The following CLN6 variants were observed in gnomAD, a reference collection of about 807,000 sequenced individuals.
CLN6 encodes the protein ceroid-lipofuscinosis neuronal protein 6.
Under a neutral mutation model 33.3 loss-of-function variants are expected in CLN6, and 22 were observed. The observed-to-expected ratio is 0.66, with a 90% CI of 0.47 to 0.94. The LOEUF is 0.94. Among genes scored for constraint, CLN6 ranks in the 40% least tolerant of loss-of-function variants. The probability of loss-of-function intolerance (pLI) is 0.00; values close to 1 mark genes in which losing one functional copy is unlikely to be tolerated. For synonymous variants in CLN6, 201 were observed against 174.6 expected (o/e 1.15, Z -1.19); for missense variants, 387 against 417.1 (o/e 0.93, Z 0.63).
upstream of CLN6, among the ~76,000 whole-genome samples, chr15:68,234,705 T>C (rs1297433333): frequency 1.3e-5 from 2 of 152,202 alleles, no homozygotes; most frequent in Non-Finnish European, 2.9e-5. This position sits in a 1 kb window ranked among gnomAD's most constrained non-coding sequence, Gnocchi z 4.1. Context: ...TTTTTCCTTA[T>C]AATTTCTTTC....
chr15:68,235,030 A>G (rs1892205471), intron 1 of CLN6, among the ~76,000 whole-genome samples: 1 of 152,128 alleles, frequency 6.6e-6, no homozygotes, highest in South Asian at 2.1e-4. Context: ...CAAAACAAAA[A>G]AAGAATAAAA....
chr15:68,218,496 T>A (rs1425187277), intron 2 of CLN6, 40 bp downstream of exon 2: 1 of 1,424,240 alleles, frequency 7.0e-7, no homozygotes, highest in Non-Finnish European at 9.9e-7. Flanking sequence ...CTAAGTGTCC[T>A]CAGTGCTGGT....
intron 2 of CLN6, 187 bp from the exon 3 acceptor site, chr15:68,214,575 A>C: frequency 1.7e-6 from 1 of 585,818 alleles, no homozygotes; most frequent in Non-Finnish European, 3.2e-6. Flanking sequence ...TTATCCAGAC[A>C]GGAAAGCTGA....
chr15:68,232,305 G>A (rs2093269581), upstream of CLN6, among the ~76,000 whole-genome samples: 1 of 151,914 alleles, frequency 6.6e-6, no homozygotes, highest in Non-Finnish European at 1.5e-5. The surrounding 1 kb of genome is among the most constrained non-coding windows in gnomAD (Gnocchi z 4.7). Flanking sequence ...CTACAGGCAT[G>A]CACCACCACG....
chr15:68,257,134 C>T, upstream of CLN6: 1 of 343,898 alleles, frequency 2.9e-6, no homozygotes, highest in Non-Finnish European at 5.2e-6. Flanking sequence ...AGCGAGCGCA[C>T]GGCAGCGGTG....
chr15:68,225,125 C>A (rs1328304858), intron 1 of CLN6, among the ~76,000 whole-genome samples: 2 of 150,190 alleles, frequency 1.3e-5, no homozygotes, highest in Non-Finnish European at 3.0e-5. Context: ...ACATACAAGA[C>A]AATGAAAAGC....
chr15:68,211,806 T>G lies in CLN6; in HGVS notation c.355A>C (p.Ile119Leu), dbSNP rs759241838. The G allele has an allele frequency of 1.2e-6, 2 of 1,613,716 alleles. No individual in the cohort carries two copies. The highest frequency in any genetic ancestry group is 1.3e-5 in the African/African-American group (1 of 74,932). ...TGGATGCTGGCACCCATGATGAAGA[T>G]GATGATGCTCACGTACGTGATGGAG... ...PRSITYVSII[I>L]FIMGASIHLV... The change falls in exon 4 of 7, where the codon ATC becomes CTC. Residue 119 changes from isoleucine to leucine, a missense_variant. Physicochemically the swap from Ile to Leu is conservative, Grantham distance 5. Coordinates refer to ENST00000249806, the MANE Select transcript of CLN6 (RefSeq NM_017882.3). This position sits in a 1 kb window ranked among gnomAD's most constrained non-coding sequence, Gnocchi z 5.9.
In CLN6 at chr15:68,248,989, A is replaced by C. The variant is rs117689047; in HGVS notation, c.179+7701T>G. ...CAACAACAAAAAACAACAACAACAAAAAAATTCAATTAAAAAATGGGCAAA... is the reference window on the plus strand; with the variant it reads ...CAACAACAAAAAACAACAACAACAACAAAATTCAATTAAAAAATGGGCAAA... On this transcript the variant is annotated intron_variant, in intron 1 of 6. Transcript: ENST00000538696. 9.8e-4 allele frequency among the ~76,000 whole-genome samples: 149 copies of C among 152,314 alleles called. 2 individuals carry two copies. The East Asian group carries it at 0.013, about 13-fold the overall frequency.
chr15:68,208,094 G>GGGGCCCCCCCCCCCCC lies in CLN6; in HGVS notation c.*45_*46insGGGGGGGGGGGGGCCC. ...CTCCTGTATTCAGATGCCCTCCATG[G>GGGGCCCCCCCCCCCCC]CCCACCCTCCCACCCAGCAGAGCGC... On this transcript the variant is annotated 3_prime_UTR_variant, in exon 7 of 7. Coordinates refer to ENST00000249806, the MANE Select transcript of CLN6 (RefSeq NM_017882.3). The surrounding 1 kb of genome is among the most constrained non-coding windows in gnomAD (Gnocchi z 5.8). 1 of 1,375,274 alleles carries GGGGCCCCCCCCCCCCC rather than the reference G, an allele frequency of 7.3e-7. No individual in the cohort carries two copies. Among genetic ancestry groups the GGGGCCCCCCCCCCCCC allele is most frequent in the Non-Finnish European group, 1.0e-6 (1 of 992,020 alleles). 85.2% of individuals were successfully genotyped at this position (1,375,274 alleles called of 1,614,324 possible).
intron 1 of CLN6, among the ~76,000 whole-genome samples, chr15:68,245,763 T>C (rs1892324220): frequency 6.6e-6 from 1 of 152,092 alleles, no homozygotes; most frequent in African/African-American, 2.4e-5. Context: ...CCCAACTATA[T>C]GCTGGGTGAT....
intron 1 of CLN6, among the ~76,000 whole-genome samples, chr15:68,244,218 C>T (rs1356028021): frequency 1.3e-5 from 2 of 151,784 alleles, no homozygotes; most frequent in African/African-American, 2.4e-5. Flanking sequence ...CAGAGAACAC[C>T]AAGCAGTTTT....
At chr15:68,257,053 C>T (rs1309061686) in exon 1 of CLN6, 4 of 488,982 alleles carry the variant, frequency 8.2e-6, no homozygotes, top group Non-Finnish European at 1.5e-5. Context: ...CTGCCTGGTG[C>T]CATGCGGTTG....
At chr15:68,229,752 G>GGCGGA (rs55672378), upstream of CLN6, 7 of 328,032 alleles carry the variant, frequency 2.1e-5, no homozygotes, top group African/African-American at 8.9e-5. Context: ...CCCGGGGCGG[G>GGCGGA]GCGGAGCGGA....
At chr15:68,232,512 C>G (rs1345308803), upstream of CLN6, among the ~76,000 whole-genome samples, 1 of 152,128 alleles carries the variant, frequency 6.6e-6, no homozygotes, top group Admixed American at 6.5e-5. This position sits in a 1 kb window ranked among gnomAD's most constrained non-coding sequence, Gnocchi z 4.7. Flanking sequence ...ACCAGTCTTC[C>G]AGCTCCTTGC....
Position 68,207,352 on chromosome 15 carries a change from AG to A in CLN6, c.*787del. The stretch of plus-strand genomic sequence containing the variant: ...GCCGCAGTTCTTCTGGAGTGGGAGC[AG>A]GGGGACAGAGCTTTGGGTAGAGGAG... On this transcript the variant is annotated 3_prime_UTR_variant, in exon 7 of 7. Coordinates refer to ENST00000249806, the MANE Select transcript of CLN6 (RefSeq NM_017882.3). 6.5e-6 allele frequency: 1 copy of A among 152,990 alleles called. No homozygotes were observed. The highest frequency in any genetic ancestry group is 1.5e-5 in the Non-Finnish European group (1 of 68,446). The allele number at this position is 152,990 out of a possible 1,614,324, so 9.5% of individuals were successfully genotyped here.
At chr15:68,229,781 A>AGGCGG (rs1358831158), upstream of CLN6, 1 of 326,792 alleles carries the variant, frequency 3.1e-6, no homozygotes, top group Admixed American at 6.7e-5. Context: ...GAGCGGAGGG[A>AGGCGG]GGCGGGGCGG....
intron 1 of CLN6, among the ~76,000 whole-genome samples, chr15:68,253,322 T>C (rs1443460947): frequency 2.6e-5 from 4 of 152,266 alleles, no homozygotes; most frequent in Non-Finnish European, 4.4e-5. Context: ...CCGGGTTTTT[T>C]GTTTTTATTT....
Position 68,241,691 on chromosome 15 carries a change from G to A in CLN6, c.179+14999C>T, listed in dbSNP as rs967109420. 2.6e-5 allele frequency among the ~76,000 whole-genome samples: 4 copies of A among 152,164 alleles called. No individual in the cohort carries two copies. The highest frequency in any genetic ancestry group is 9.6e-5 in the African/African-American group (4 of 41,462). The stretch of plus-strand genomic sequence containing the variant: ...CGGCCAAAGAAGACACCAAATCAGA[G>A]TGGCTGTTAGCAGCACCACACTGTA... On this transcript the variant is annotated intron_variant, in intron 1 of 6. Coordinates refer to the CLN6 transcript ENST00000538696. The surrounding 1 kb of genome is among the most constrained non-coding windows in gnomAD (Gnocchi z 4.2).
chr15:68,214,527 T>G (rs368158830), intron 2 of CLN6, 139 bp from the exon 3 acceptor site: 1 of 681,540 alleles, frequency 1.5e-6, no homozygotes, highest in South Asian at 1.5e-5. Flanking sequence ...ATTCTTCCTG[T>G]GATCGCTGGA....
Sources: allele counts gnomAD v4.1 joint callset (sites outside exome capture counted in the v4.1 genomes callset), GRCh38; gene constraint gnomAD v4.1.1; non-coding constraint Gnocchi (gnomAD v3.1); transcripts MANE v1.5; gene names NCBI Gene and HGNC (gene_info 2026-07-23, HGNC 2026-07-21).